Variants in FSTL5 observed in about 807,000 individuals in gnomAD.
FSTL5 encodes follistatin-related protein 5.
FSTL5 carries 62 observed loss-of-function variants against 89.1 expected under a neutral mutation model. That is an observed-to-expected ratio of 0.70 (90% CI 0.57 to 0.86). FSTL5 has a LOEUF of 0.86. Among genes scored for constraint, FSTL5 ranks in the 40% least tolerant of loss-of-function variants. The pLI, the probability that FSTL5 is intolerant of heterozygous loss-of-function variation, is 0.00. For missense variants in FSTL5, 1,057 were observed against 1,001.6 expected (o/e 1.06, Z -0.75); for synonymous variants, 383 against 346.2 (o/e 1.11, Z -1.18).
chr4:161,515,334 A>G (rs1730783739), intron 10 of FSTL5, among the ~76,000 whole-genome samples: 1 of 151,830 alleles, frequency 6.6e-6, no homozygotes, highest in Non-Finnish European at 1.5e-5. Context: ...AGGAGCTGGG[A>G]TTACAGGCTC....
chr4:161,393,796 G>C (rs562107674), intron 15 of FSTL5, among the ~76,000 whole-genome samples: 2 of 152,284 alleles, frequency 1.3e-5, no homozygotes, highest in South Asian at 4.1e-4. Flanking sequence ...TGTGAATTCT[G>C]ATCTGAGGAA....
intron 3 of FSTL5, among the ~76,000 whole-genome samples, chr4:161,955,610 A>G (rs1735006354): frequency 1.3e-5 from 2 of 151,756 alleles, no homozygotes; most frequent in South Asian, 4.1e-4. Context: ...TTAGCATAAC[A>G]AATCAAAAAC....
At chr4:161,945,741 G>T (rs1490072629) in intron 3 of FSTL5, among the ~76,000 whole-genome samples, 1 of 152,122 alleles carries the variant, frequency 6.6e-6, no homozygotes, top group Non-Finnish European at 1.5e-5. Flanking sequence ...AACAGAGCAA[G>T]ATTCTGTCTC....
At chr4:161,861,930 A>G (rs1731929934) in intron 4 of FSTL5, among the ~76,000 whole-genome samples, 1 of 152,356 alleles carries the variant, frequency 6.6e-6, no homozygotes, top group South Asian at 2.1e-4. Context: ...AAAGTAATGT[A>G]ACATCATTAC....
intron 4 of FSTL5, among the ~76,000 whole-genome samples, chr4:161,811,622 T>A (rs1242608421): frequency 6.6e-6 from 1 of 152,074 alleles, no homozygotes; most frequent in Admixed American, 6.5e-5. Context: ...CCCAAAAGCC[T>A]ACTTGTTGAT....
At chr4:161,403,650 T>G (rs1731260527) in intron 15 of FSTL5, among the ~76,000 whole-genome samples, 1 of 152,330 alleles carries the variant, frequency 6.6e-6, no homozygotes, top group Non-Finnish European at 1.5e-5. Flanking sequence ...ATAACCTATA[T>G]AGGAGCCAAA....
chr4:161,669,080 C>G (rs1407221511), intron 6 of FSTL5, among the ~76,000 whole-genome samples: 1 of 142,606 alleles, frequency 7.0e-6, no homozygotes, highest in African/African-American at 2.6e-5. Context: ...CCACGGCCCT[C>G]CAGCCTGGGT....
chr4:161,620,957 C>T (rs1012785338), intron 7 of FSTL5, among the ~76,000 whole-genome samples: 13 of 150,502 alleles, frequency 8.6e-5, no homozygotes, highest in African/African-American at 3.2e-4. Context: ...TGGTATCACT[C>T]CTCCCTCTAG....
intron 10 of FSTL5, among the ~76,000 whole-genome samples, chr4:161,532,215 A>T (rs1560940847): frequency 6.6e-6 from 1 of 151,058 alleles, no homozygotes; most frequent in Non-Finnish European, 1.5e-5. Context: ...AAAAAAAAAG[A>T]AATTATTTTT....
intron 13 of FSTL5, among the ~76,000 whole-genome samples, chr4:161,463,092 G>C (rs1212720037): frequency 2.6e-5 from 4 of 152,044 alleles, no homozygotes. Flanking sequence ...TATTTTACAG[G>C]AAGTGTCAGA....
At chr4:161,524,281 T>G (rs1253034799) in intron 10 of FSTL5, among the ~76,000 whole-genome samples, 1 of 152,152 alleles carries the variant, frequency 6.6e-6, no homozygotes, top group African/African-American at 2.4e-5. Context: ...CTTTGAATTG[T>G]CCTGCTTTTC....
rs1267244783 is a variant in FSTL5, at chr4:161,750,169, G to C, written c.727+9242C>G. Among the ~76,000 whole-genome samples, 9 of 152,018 alleles carry C rather than the reference G, an allele frequency of 5.9e-5. No homozygotes were observed. In the South Asian group the frequency reaches 1.0e-3, roughly 17 times the overall value. ...TATTAATACAAAGTTCACACCATGTGATTTATGTACAAATGGAATTTGCAC... is the reference window on the plus strand; with the variant it reads ...TATTAATACAAAGTTCACACCATGTCATTTATGTACAAATGGAATTTGCAC... On this transcript the variant is annotated intron_variant, in intron 6 of 15. Coordinates refer to ENST00000306100, the MANE Select transcript of FSTL5 (RefSeq NM_020116.5).
chr4:161,928,777 T>G (rs1387325558), intron 3 of FSTL5, among the ~76,000 whole-genome samples: 1 of 151,812 alleles, frequency 6.6e-6, no homozygotes, highest in Non-Finnish European at 1.5e-5. Flanking sequence ...TTTAAGAATT[T>G]GTATATTTTG....
chr4:161,811,118 TAAAG>T (rs1378617098), intron 4 of FSTL5, among the ~76,000 whole-genome samples: 4 of 151,796 alleles, frequency 2.6e-5, no homozygotes, highest in East Asian at 1.9e-4. Flanking sequence ...ACTGACTAAA[TAAAG>T]AGAGGAGAAA....
intron 15 of FSTL5, among the ~76,000 whole-genome samples, chr4:161,419,383 T>C (rs978882016): frequency 6.6e-6 from 1 of 151,996 alleles, no homozygotes; most frequent in Non-Finnish European, 1.5e-5. Flanking sequence ...AATAAGGACA[T>C]TAAAAAAATG....
Position 161,975,911 on chromosome 4 carries a change from C to G in FSTL5, c.161-55259G>C, listed in dbSNP as rs542734653. Among the ~76,000 whole-genome samples, 518 of 150,814 alleles carry G rather than the reference C, an allele frequency of 3.4e-3. 2 individuals carry two copies. The highest frequency in any genetic ancestry group is 0.012 in the African/African-American group (496 of 41,318). On this transcript the variant is annotated intron_variant, in intron 3 of 15. Coordinates refer to ENST00000306100, the MANE Select transcript of FSTL5 (RefSeq NM_020116.5). ...CGGGCGGATCACGAGGCCAGGAGAC[C>G]GAGACCATCCTGGCTAACACCATGA...
intron 8 of FSTL5, among the ~76,000 whole-genome samples, chr4:161,548,210 T>A (rs1732069839): frequency 6.6e-6 from 1 of 151,864 alleles, no homozygotes; most frequent in African/African-American, 2.4e-5. Context: ...CTTACCAAAA[T>A]GCTCACTTTT....
chr4:161,455,925 C>T (rs148106334), intron 14 of FSTL5, among the ~76,000 whole-genome samples: 1 of 152,266 alleles, frequency 6.6e-6, no homozygotes, highest in African/African-American at 2.4e-5. Context: ...AAACTACTGA[C>T]TAAGTTAAAG....
intron 2 of FSTL5, among the ~76,000 whole-genome samples, chr4:162,104,222 T>TG (rs1379706024): frequency 1.3e-5 from 2 of 152,212 alleles, no homozygotes; most frequent in Non-Finnish European, 2.9e-5. Flanking sequence ...CACGGCTAAG[T>TG]GCCTGGGTTC....
Sources: allele counts gnomAD v4.1 joint callset (sites outside exome capture counted in the v4.1 genomes callset), GRCh38; gene constraint gnomAD v4.1.1; transcripts MANE v1.5; gene names NCBI Gene and HGNC (gene_info 2026-07-23, HGNC 2026-07-21).